SHANK2: variants seen among roughly 807,000 people sequenced by gnomAD.
The protein encoded by SHANK2 is SH3 and multiple ankyrin repeat domains protein 2.
SHANK2 carries 43 observed loss-of-function variants against 133.7 expected under a neutral mutation model. The observed-to-expected ratio is 0.32, with a 90% CI of 0.25 to 0.41. The LOEUF (loss-of-function observed/expected upper bound fraction) is 0.41. Ranked by LOEUF, SHANK2 falls within the 10% of genes least tolerant of loss-of-function variation. The pLI, the probability that SHANK2 is intolerant of heterozygous loss-of-function variation, is 1.00. For synonymous variants in SHANK2, 1,017 were observed against 952.8 expected (o/e 1.07, Z -1.24); for missense variants, 1,994 against 2,235.8 (o/e 0.89, Z 2.18).
chr11:70,624,334 G>A (rs1010408797), intron 17 of SHANK2, among the ~76,000 whole-genome samples: 1 of 151,978 alleles, frequency 6.6e-6, no homozygotes, highest in Non-Finnish European at 1.5e-5. Context: ...CAATCCCCTG[G>A]TTCCCTGGTG....
At chr11:70,559,787 A>G (rs782794029) in intron 17 of SHANK2, among the ~76,000 whole-genome samples, 12 of 152,198 alleles carry the variant, frequency 7.9e-5, no homozygotes, top group Non-Finnish European at 1.6e-4. Context: ...GTAGATGATC[A>G]GACTCCAAAA....
At chr11:71,109,607 A>G (rs1168919052) in intron 6 of SHANK2, among the ~76,000 whole-genome samples, 2 of 152,176 alleles carry the variant, frequency 1.3e-5, no homozygotes, top group African/African-American at 4.8e-5. Context: ...ACCTTTACAA[A>G]CATACGTGTC....
intron 11 of SHANK2, among the ~76,000 whole-genome samples, chr11:70,877,770 C>T (rs1565378551): frequency 6.6e-6 from 1 of 152,160 alleles, no homozygotes; most frequent in Non-Finnish European, 1.5e-5. Flanking sequence ...AAGGCTGAGG[C>T]CAAGCAGAGG....
At chr11:70,611,916 G>A (rs1226813679) in intron 17 of SHANK2, among the ~76,000 whole-genome samples, 2 of 144,816 alleles carry the variant, frequency 1.4e-5, no homozygotes, top group Non-Finnish European at 3.0e-5. Context: ...CTGCTGAAAG[G>A]GAACGAGAAG....
chr11:70,536,269 G>C (rs2059542687), intron 17 of SHANK2, among the ~76,000 whole-genome samples: 1 of 152,250 alleles, frequency 6.6e-6, no homozygotes, highest in Admixed American at 6.5e-5. Context: ...AAGTGGCGGG[G>C]TGTGGCGGGC....
At chr11:70,866,086 G>A (rs192616378) in intron 11 of SHANK2, among the ~76,000 whole-genome samples, 123 of 152,266 alleles carry the variant, frequency 8.1e-4, no homozygotes, top group African/African-American at 2.4e-3. Flanking sequence ...AATTCCGCGC[G>A]CAGATGCCTC....
At chr11:71,240,841 T>C (rs556406418) in intron 1 of SHANK2, 3 of 152,182 alleles carry the variant, frequency 2.0e-5, no homozygotes, top group African/African-American at 7.2e-5. Flanking sequence ...GAGGCTGAGG[T>C]GAGAGGATTG....
chr11:70,550,748 T>G (rs528311646), intron 17 of SHANK2, among the ~76,000 whole-genome samples: 1 of 152,162 alleles, frequency 6.6e-6, no homozygotes, highest in Non-Finnish European at 1.5e-5. Context: ...AAACCTCCCT[T>G]CAGTCCTGGG....
At chr11:71,170,575 G>T (rs1953294371) in intron 2 of SHANK2, among the ~76,000 whole-genome samples, 2 of 152,176 alleles carry the variant, frequency 1.3e-5, no homozygotes, top group Admixed American at 1.3e-4. Flanking sequence ...TGCTAGCTGG[G>T]TGTGTACCTA....
At chr11:71,113,106 C>T (rs1192879808) in intron 5 of SHANK2, among the ~76,000 whole-genome samples, 187 bp downstream of exon 5, 1 of 152,192 alleles carries the variant, frequency 6.6e-6, no homozygotes, top group Non-Finnish European at 1.5e-5. Flanking sequence ...CCCCTGCTGC[C>T]TCCCGGGTGG....
chr11:71,059,427 T>C (rs1258468319), intron 9 of SHANK2, among the ~76,000 whole-genome samples: 3 of 152,192 alleles, frequency 2.0e-5, no homozygotes, highest in African/African-American at 7.2e-5. Context: ...TGCACAACTC[T>C]GTGGACAGAC....
At chr11:70,570,944 A>G (rs1591594503) in intron 17 of SHANK2, among the ~76,000 whole-genome samples, 1 of 152,196 alleles carries the variant, frequency 6.6e-6, no homozygotes, top group African/African-American at 2.4e-5. Context: ...TGTGCATAAC[A>G]TAACTATGCT....
At chr11:71,156,685 T>C (rs1269814404) in intron 2 of SHANK2, among the ~76,000 whole-genome samples, 1 of 152,216 alleles carries the variant, frequency 6.6e-6, no homozygotes, top group Non-Finnish European at 1.5e-5. Flanking sequence ...ATTTGTGAAA[T>C]GTAACTGGAT....
chr11:70,502,724 C>T, intron 18 of SHANK2, 72 bp downstream of exon 18: 1 of 1,002,800 alleles, frequency 1.0e-6, no homozygotes, highest in Non-Finnish European at 1.4e-6. Context: ...TGCCCCCCAG[C>T]TGTCCTGCCC....
intron 2 of SHANK2, among the ~76,000 whole-genome samples, chr11:71,150,059 G>A (rs782583708): frequency 0.015 from 86 of 5,694 alleles, 4 homozygotes; most frequent in African/African-American, 0.03. Flanking sequence ...AAGGAGGGAG[G>A]GAGAGGAAAG....
At chr11:70,562,570 T>C (rs2059919460) in intron 17 of SHANK2, among the ~76,000 whole-genome samples, 1 of 152,218 alleles carries the variant, frequency 6.6e-6, no homozygotes, top group Non-Finnish European at 1.5e-5. Flanking sequence ...ATTTTGATAC[T>C]AATATCGTCA....
At chr11:70,599,065 A>G (rs2060441305) in intron 17 of SHANK2, among the ~76,000 whole-genome samples, 3 of 152,122 alleles carry the variant, frequency 2.0e-5, no homozygotes. Flanking sequence ...GCGGAGAAAA[A>G]AAGAGAAAGG....
intron 11 of SHANK2, among the ~76,000 whole-genome samples, chr11:70,885,598 G>A (rs1291519329): frequency 2.0e-5 from 3 of 152,170 alleles, no homozygotes; most frequent in Admixed American, 1.3e-4. Context: ...CAAGGGTGTG[G>A]ACAGAACGTG....
intron 2 of SHANK2, among the ~76,000 whole-genome samples, chr11:71,173,564 C>G (rs1953361442): frequency 6.6e-6 from 1 of 152,248 alleles, no homozygotes; most frequent in Non-Finnish European, 1.5e-5. Context: ...GCTAGGAGGA[C>G]TTCCACTGCA....
Sources: allele counts gnomAD v4.1 joint callset (sites outside exome capture counted in the v4.1 genomes callset), GRCh38; gene constraint gnomAD v4.1.1; transcripts MANE v1.5; gene names NCBI Gene and HGNC (gene_info 2026-07-23, HGNC 2026-07-21).